EYS: variants seen among roughly 807,000 people sequenced by gnomAD.
EYS encodes EGF-like photoreceptor maintenance factor, also known as protein eyes shut homolog.
In EYS, 250 loss-of-function variants were observed where a neutral mutation model predicts 282.1. The ratio of observed to expected loss-of-function variants is 0.89; its 90% confidence interval spans 0.80 to 0.98. The LOEUF is 0.98. Among genes scored for constraint, EYS ranks in the 50% least tolerant of loss-of-function variants. The probability of loss-of-function intolerance (pLI) is 0.00; values close to 1 mark genes in which losing one functional copy is unlikely to be tolerated. For synonymous variants in EYS, 1,355 were observed against 1,282.9 expected, an observed-to-expected ratio of 1.06 and a Z score of -1.20; for missense variants, 4,016 against 3,709.0, an observed-to-expected ratio of 1.08 and a Z score of -2.15.
chr6:63,922,685 C>T (rs968657468), intron 35 of EYS, among the ~76,000 whole-genome samples: 1 of 152,116 alleles, frequency 6.6e-6, no homozygotes, highest in Non-Finnish European at 1.5e-5. Flanking sequence ...TATTAATTTT[C>T]CTTTCATAAG....
chr6:64,659,563 G>C (rs545393492), intron 22 of EYS, among the ~76,000 whole-genome samples: 3 of 151,856 alleles, frequency 2.0e-5, no homozygotes, highest in Non-Finnish European at 4.4e-5. Flanking sequence ...TACCACCACC[G>C]ATCCCACAGA....
rs755732429 is a variant in EYS at position 63,739,165 on chromosome 6, T to C, written c.8072-12485A>G. ...ATTGTTTTGTTTATCAAATTCTCCC[T>C]GATTTGGCCAGCTAGAGCTCCTTCA... On this transcript the variant is annotated intron_variant, in intron 41 of 42. Transcript: ENST00000503581. 7.9e-5 allele frequency among the ~76,000 whole-genome samples: 12 copies of C among 152,144 alleles called. 1 individual carries two copies. The highest frequency in any genetic ancestry group is 4.6e-4 in the Admixed American group (7 of 15,264).
chr6:64,649,036 T>C (rs1380055437), intron 22 of EYS, among the ~76,000 whole-genome samples: 4 of 152,060 alleles, frequency 2.6e-5, no homozygotes, highest in Admixed American at 6.6e-5. Flanking sequence ...ACCTTATATA[T>C]ACAGAAAGAA....
intron 1 of EYS, among the ~76,000 whole-genome samples, chr6:65,703,916 T>C (rs894059960): frequency 6.6e-6 from 1 of 152,158 alleles, no homozygotes; most frequent in Non-Finnish European, 1.5e-5. Context: ...TCCAAGACTG[T>C]CAGATCTGGC....
At chr6:64,294,501 A>G (rs770786156) in intron 30 of EYS, among the ~76,000 whole-genome samples, 2 of 152,174 alleles carry the variant, frequency 1.3e-5, no homozygotes, top group African/African-American at 2.4e-5. Context: ...GTAAGGTAAG[A>G]CTACATTCCC....
chr6:64,407,173 T>C (rs1773744066), intron 28 of EYS, among the ~76,000 whole-genome samples: 1 of 152,076 alleles, frequency 6.6e-6, no homozygotes, highest in South Asian at 2.1e-4. Context: ...CAGGAAACCA[T>C]CATTCTCAGC....
At chr6:65,687,539 C>T (rs1562328753) in intron 1 of EYS, among the ~76,000 whole-genome samples, 1 of 152,118 alleles carries the variant, frequency 6.6e-6, no homozygotes. Flanking sequence ...GGGATGCCCT[C>T]TCTCACCACT....
At chr6:64,704,418 A>G (rs1375471813) in intron 22 of EYS, among the ~76,000 whole-genome samples, 1 of 143,558 alleles carries the variant, frequency 7.0e-6, no homozygotes, top group African/African-American at 2.5e-5. Flanking sequence ...GTGGCAATCT[A>G]AATTATATTT....
intron 22 of EYS, among the ~76,000 whole-genome samples, chr6:64,661,433 C>T (rs778320010): frequency 9.2e-5 from 14 of 152,108 alleles, no homozygotes; most frequent in Non-Finnish European, 1.9e-4. Flanking sequence ...AAGAAACTAC[C>T]ATCAGAGTGA....
chr6:65,201,143 G>T (rs1400341277), intron 12 of EYS, among the ~76,000 whole-genome samples: 1 of 152,092 alleles, frequency 6.6e-6, no homozygotes, highest in African/African-American at 2.4e-5. Flanking sequence ...AAAGTTCTCA[G>T]TTTACTATAG....
chr6:65,623,929 A>G (rs1766610300), intron 2 of EYS, among the ~76,000 whole-genome samples: 1 of 152,214 alleles, frequency 6.6e-6, no homozygotes. Flanking sequence ...GAGTAATCAC[A>G]TGGAAGAATG....
chr6:64,656,127 G>A lies in EYS; in HGVS notation c.3444-29882C>T, dbSNP rs572605399. On this transcript the variant is annotated intron_variant, in intron 22 of 42. Coordinates refer to ENST00000503581, the MANE Select transcript of EYS (RefSeq NM_001142800.2). ...GGTATTGTAGGTTTCATACAGTGAT[G>A]AGCACCATGGACAAGATCTTTGTAG... Among the ~76,000 whole-genome samples, 7 of 152,154 alleles carry A rather than the reference G, an allele frequency of 4.6e-5. No individual in the cohort carries two copies. The South Asian group carries it at 1.0e-3, about 23-fold the overall frequency.
intron 12 of EYS, among the ~76,000 whole-genome samples, chr6:65,142,268 A>G (rs1027944146): frequency 1.3e-5 from 2 of 151,792 alleles, no homozygotes; most frequent in Admixed American, 6.6e-5. Flanking sequence ...GCTTAAAATT[A>G]TCTAATGGGA....
chr6:65,695,571 AGG>A (rs1769419602), intron 1 of EYS, among the ~76,000 whole-genome samples: 1 of 151,950 alleles, frequency 6.6e-6, no homozygotes, highest in African/African-American at 2.4e-5. Flanking sequence ...AAAAAGAGAG[AGG>A]AAGTTGGGTC....
At chr6:65,261,716 T>A (rs1451037243) in intron 12 of EYS, among the ~76,000 whole-genome samples, 1 of 152,104 alleles carries the variant, frequency 6.6e-6, no homozygotes, top group African/African-American at 2.4e-5. Flanking sequence ...CTTTGTTTCT[T>A]CAATCATAAG....
At chr6:65,665,802 A>G (rs537582289) in intron 1 of EYS, among the ~76,000 whole-genome samples, 1 of 152,182 alleles carries the variant, frequency 6.6e-6, no homozygotes, top group Non-Finnish European at 1.5e-5. Flanking sequence ...ACCATGATAA[A>G]TAAATCTCTA....
At chr6:64,576,048 C>T (rs1258900885) in intron 26 of EYS, among the ~76,000 whole-genome samples, 1 of 152,074 alleles carries the variant, frequency 6.6e-6, no homozygotes, top group Admixed American at 6.6e-5. Flanking sequence ...GAGATTTATT[C>T]ACCTTCCAAG....
In EYS at chr6:65,295,819, T is replaced by A. The variant is rs772037318; in HGVS notation, c.2023+44A>T. The A allele has an allele frequency of 1.6e-4, 234 of 1,420,140 alleles. 1 individual carries two copies. In the East Asian group the frequency reaches 3.1e-3, roughly 19 times the overall value. 88.0% of individuals were successfully genotyped at this position (1,420,140 alleles called of 1,614,324 possible). A position where few individuals can be genotyped will look rare whatever the true frequency, so the allele number is the denominator to read the frequency against. On this transcript the variant is annotated intron_variant, in intron 12 of 42. Transcript: ENST00000503581. ...ATATCAAATAAATATATTAACAACA[T>A]TATTTACTAGAAAATTTAATTTATC...
chr6:63,749,488 G>T (rs1769289673), intron 41 of EYS, among the ~76,000 whole-genome samples: 1 of 152,150 alleles, frequency 6.6e-6, no homozygotes. Flanking sequence ...TTCTGTAGAT[G>T]TCTGTCACGT....
Sources: allele counts gnomAD v4.1 joint callset (sites outside exome capture counted in the v4.1 genomes callset), GRCh38; gene constraint gnomAD v4.1.1; transcripts MANE v1.5; gene names NCBI Gene and HGNC (gene_info 2026-07-23, HGNC 2026-07-21).